Variants in MRTFA observed in about 807,000 individuals in gnomAD.
MRTFA encodes the protein myocardin related transcription factor A.
In MRTFA, 20 loss-of-function variants were observed where a neutral mutation model predicts 83.5. The ratio of observed to expected loss-of-function variants is 0.24; its 90% CI spans 0.17 to 0.35. The LOEUF (loss-of-function observed/expected upper bound fraction) is 0.35. Ranked by LOEUF, MRTFA falls within the 10% of genes least tolerant of loss-of-function variation. The pLI is 1.00. For missense variants in MRTFA, 1,200 were observed against 1,224.7 expected (o/e 0.98, Z 0.30); for synonymous variants, 659 against 541.2 (o/e 1.22, Z -3.02).
At chr22:40,506,782 G>A (rs2054587234) in intron 3 of MRTFA, among the ~76,000 whole-genome samples, 1 of 152,112 alleles carries the variant, frequency 6.6e-6, no homozygotes, top group Admixed American at 6.5e-5. Flanking sequence ...CATTTTCACT[G>A]TTTAAGGAGA....
intron 4 of MRTFA, among the ~76,000 whole-genome samples, chr22:40,457,283 T>G (rs1011393694): frequency 1.3e-5 from 2 of 151,898 alleles, no homozygotes; most frequent in African/African-American, 2.4e-5. Context: ...GAAAATCGCT[T>G]GAACCCAGGA....
At position 40,574,080 on chromosome 22, in the gene MRTFA, ATTCTT is replaced by A. The variant is rs368793966; in HGVS notation, c.-22+20589_-22+20593del. On this transcript the variant is annotated intron_variant, in intron 2 of 14. Coordinates refer to ENST00000355630, the MANE Select transcript of MRTFA (RefSeq NM_020831.6). ...ATCAGGGACATTTGTAAGTTAAACT[ATTCTT>A]TTTCTTTTCCTGTGAGTGCATGGTG... is the stretch of plus-strand genomic sequence containing the variant. Among the ~76,000 whole-genome samples, 194 of 152,252 alleles carry A rather than the reference ATTCTT, an allele frequency of 1.3e-3. 5 individuals carry two copies. In the East Asian group the frequency reaches 0.034, roughly 27 times the overall value.
chr22:40,598,198 C>T (rs1273038310), intron 1 of MRTFA, among the ~76,000 whole-genome samples: 1 of 151,772 alleles, frequency 6.6e-6, no homozygotes, highest in Non-Finnish European at 1.5e-5. Flanking sequence ...TGTTTCCCTC[C>T]CCCGCCCCTC....
chr22:40,516,524 C>A (rs1421857957), intron 3 of MRTFA, among the ~76,000 whole-genome samples: 1 of 151,090 alleles, frequency 6.6e-6, no homozygotes, highest in African/African-American at 2.4e-5. Context: ...TTTTTTCTTA[C>A]CAGAGCCAAC....
intron 3 of MRTFA, among the ~76,000 whole-genome samples, chr22:40,468,900 G>C (rs895931526): frequency 2.0e-5 from 3 of 152,160 alleles, no homozygotes; most frequent in Admixed American, 2.0e-4. Flanking sequence ...TTGGAGCCAA[G>C]TTTGAATGCA....
intron 3 of MRTFA, among the ~76,000 whole-genome samples, chr22:40,545,685 G>A (rs1288597604): frequency 2.0e-5 from 3 of 150,202 alleles, no homozygotes; most frequent in African/African-American, 7.4e-5. Flanking sequence ...CACCCACCTC[G>A]GCCTCCCAAA....
intron 3 of MRTFA, among the ~76,000 whole-genome samples, chr22:40,513,921 A>G (rs2054710800): frequency 6.6e-6 from 1 of 151,938 alleles, no homozygotes; most frequent in South Asian, 2.1e-4. Flanking sequence ...ACATAGTGAG[A>G]GCCTGTCTCT....
At chr22:40,551,393 G>C (rs149524452) in intron 3 of MRTFA, among the ~76,000 whole-genome samples, 230 of 152,040 alleles carry the variant, frequency 1.5e-3, no homozygotes, top group African/African-American at 5.2e-3. Flanking sequence ...ATTTGAGATA[G>C]AGTCTCATTC....
chr22:40,492,875 T>TA (rs1411989932), intron 3 of MRTFA, among the ~76,000 whole-genome samples: 1 of 152,214 alleles, frequency 6.6e-6, no homozygotes, highest in Non-Finnish European at 1.5e-5. Context: ...AATGGACACT[T>TA]CTCACCAATT....
intron 14 of MRTFA, chr22:40,415,465 G>C (rs1160032459): frequency 1.3e-5 from 2 of 152,262 alleles, no homozygotes; most frequent in African/African-American, 4.8e-5. Context: ...TGGTAGAGCT[G>C]TGGTTCCAGG....
chr22:40,525,332 A>T (rs545872088), intron 3 of MRTFA, among the ~76,000 whole-genome samples: 35 of 152,226 alleles, frequency 2.3e-4, no homozygotes, highest in Middle Eastern at 3.4e-3. Context: ...ATTTTAAAAA[A>T]TTTTTTGTAA....
At chr22:40,544,382 G>A (rs1333783662) in intron 3 of MRTFA, among the ~76,000 whole-genome samples, 4 of 152,182 alleles carry the variant, frequency 2.6e-5, no homozygotes, top group East Asian at 1.9e-4. Context: ...CTACAGGCAT[G>A]AGCCACCATG....
chr22:40,504,850 T>C (rs1447266956), intron 3 of MRTFA, among the ~76,000 whole-genome samples: 6 of 152,212 alleles, frequency 3.9e-5, no homozygotes, highest in Non-Finnish European at 8.8e-5. Context: ...CACCCCTTCA[T>C]GTCCATCATC....
chr22:40,569,255 G>C (rs572212352), intron 2 of MRTFA: 5 of 170,550 alleles, frequency 2.9e-5, no homozygotes, highest in Non-Finnish European at 6.5e-5. Flanking sequence ...AAAGAAGACA[G>C]CAGAGAGTAG....
chr22:40,595,430 C>T lies in MRTFA; in HGVS notation c.-83-695G>A, dbSNP rs143871012. Among the ~76,000 whole-genome samples the T allele has an allele frequency of 2.0e-4, 31 of 152,120 alleles. 1 individual carries two copies. Among genetic ancestry groups the T allele is most frequent in the Admixed American group, 7.8e-4 (12 of 15,288 alleles). ...GCCACCGCGCCCGGCCGAGAAATGCCTTTTAAATAAACATAGGCAATCTCT... is the reference window on the plus strand; with the variant it reads ...GCCACCGCGCCCGGCCGAGAAATGCTTTTTAAATAAACATAGGCAATCTCT... On this transcript the variant is annotated intron_variant, in intron 1 of 14. Coordinates refer to ENST00000355630, the MANE Select transcript of MRTFA (RefSeq NM_020831.6).
At chr22:40,580,029 T>C (rs2055923768) in intron 2 of MRTFA, among the ~76,000 whole-genome samples, 1 of 152,190 alleles carries the variant, frequency 6.6e-6, no homozygotes, top group Non-Finnish European at 1.5e-5. Context: ...TATGGACAAG[T>C]GGTGATTTTA....
intron 7 of MRTFA, among the ~76,000 whole-genome samples, chr22:40,426,402 CA>C (rs1393741586): frequency 6.6e-6 from 1 of 152,188 alleles, no homozygotes; most frequent in African/African-American, 2.4e-5. Context: ...CTCCTTAAGC[CA>C]GCACCTGCCT....
intron 2 of MRTFA, among the ~76,000 whole-genome samples, chr22:40,554,154 TGGAA>T (rs2055485345): frequency 6.6e-6 from 1 of 152,200 alleles, no homozygotes; most frequent in African/African-American, 2.4e-5. Flanking sequence ...GGCTCATAGG[TGGAA>T]GGGACTTGCC....
chr22:40,554,424 A>C lies in MRTFA; in HGVS notation c.-21-2057T>G, dbSNP rs111925598. 7.5e-3 allele frequency among the ~76,000 whole-genome samples: 1,143 copies of C among 152,286 alleles called. 27 individuals are homozygous for C. The highest frequency in any genetic ancestry group is 0.075 in the Middle Eastern group (22 of 294). ...TTGAATAATGGGAGTGGTTACCTCC[A>C]TGCTGTTCTCATGATAGTGAGTGAG... On this transcript the variant is annotated intron_variant, in intron 2 of 14. Coordinates refer to ENST00000355630, the MANE Select transcript of MRTFA (RefSeq NM_020831.6).
Sources: allele counts gnomAD v4.1 joint callset (sites outside exome capture counted in the v4.1 genomes callset), GRCh38; gene constraint gnomAD v4.1.1; transcripts MANE v1.5; gene names NCBI Gene and HGNC (gene_info 2026-07-23, HGNC 2026-07-21).